DACH1: variants seen among roughly 807,000 people sequenced by gnomAD.
The protein encoded by DACH1 is dachshund homolog 1.
Under a neutral mutation model 54.2 loss-of-function variants are expected in DACH1, and 12 were observed. The observed-to-expected ratio is 0.22, with a 90% confidence interval of 0.14 to 0.36. The LOEUF (loss-of-function observed/expected upper bound fraction) is 0.36, where lower values mean the gene tolerates loss of function less well. DACH1 is among the 10% of genes least tolerant of loss of function. The pLI is 1.00. For synonymous variants in DACH1, 386 were observed against 366.2 expected (o/e 1.05, Z -0.62); for missense variants, 805 against 929.8 (o/e 0.87, Z 1.75).
At chr13:71,733,311 G>A (rs894995426) in intron 1 of DACH1, among the ~76,000 whole-genome samples, 18 of 151,916 alleles carry the variant, frequency 1.2e-4, no homozygotes, top group African/African-American at 3.9e-4. Flanking sequence ...ACAGGTGTGC[G>A]CCACTATGCC....
chr13:71,561,848 G>C (rs898390190), intron 4 of DACH1, among the ~76,000 whole-genome samples: 1 of 151,788 alleles, frequency 6.6e-6, no homozygotes, highest in African/African-American at 2.4e-5. Flanking sequence ...GATATGCTGA[G>C]ACTTCATTTT....
intron 6 of DACH1, among the ~76,000 whole-genome samples, chr13:71,514,060 T>G (rs1217745407): frequency 6.6e-6 from 1 of 152,082 alleles, no homozygotes; most frequent in African/African-American, 2.4e-5. Flanking sequence ...GTATGAGATA[T>G]GAGTTCTGTT....
At chr13:71,595,285 G>T (rs1874013513) in intron 3 of DACH1, among the ~76,000 whole-genome samples, 1 of 152,086 alleles carries the variant, frequency 6.6e-6, no homozygotes, top group Non-Finnish European at 1.5e-5. Flanking sequence ...GAATCCAGGA[G>T]CCCAATCGTG....
rs1183829408 is a variant in DACH1 at position 71,438,815 on chromosome 13, G to T, written c.*1840C>A. ...ATCCCTTGTGCTCAAACAACAAAAG[G>T]TGGTTATGGAAGAACTATGCTTAGA... On this transcript the variant is annotated 3_prime_UTR_variant, in exon 11 of 11. Coordinates refer to ENST00000613252, the MANE Select transcript of DACH1 (RefSeq NM_080759.6). The T allele has an allele frequency of 6.6e-6, 1 of 152,382 alleles. No homozygotes were observed. The highest frequency in any genetic ancestry group is 1.5e-5 in the Non-Finnish European group (1 of 67,884). The allele number at this position is 152,382 out of a possible 1,614,324, so 9.4% of individuals were successfully genotyped here.
chr13:71,683,666 CTTA>C (rs1881018529), intron 1 of DACH1, among the ~76,000 whole-genome samples: 1 of 152,092 alleles, frequency 6.6e-6, no homozygotes, highest in South Asian at 2.1e-4. Flanking sequence ...GCTACTTCCT[CTTA>C]TTATTACTTT....
At chr13:71,779,669 A>G (rs751180897) in intron 1 of DACH1, among the ~76,000 whole-genome samples, 21 of 152,122 alleles carry the variant, frequency 1.4e-4, no homozygotes, top group Non-Finnish European at 2.4e-4. Context: ...GTTCCATTTC[A>G]TGGAGTGATG....
At chr13:71,692,196 G>T (rs760562175) in intron 1 of DACH1, among the ~76,000 whole-genome samples, 3 of 152,050 alleles carry the variant, frequency 2.0e-5, no homozygotes, top group Non-Finnish European at 2.9e-5. Flanking sequence ...CATATTAACA[G>T]CAATGTTTGG....
At chr13:71,705,342 G>A (rs1371824965) in intron 1 of DACH1, among the ~76,000 whole-genome samples, 1 of 151,044 alleles carries the variant, frequency 6.6e-6, no homozygotes, top group Non-Finnish European at 1.5e-5. Context: ...ATGCTCTAAA[G>A]CGCTATTTAG....
chr13:71,693,264 G>A (rs967302918), intron 1 of DACH1, among the ~76,000 whole-genome samples: 4 of 145,464 alleles, frequency 2.7e-5, no homozygotes, highest in Non-Finnish European at 6.0e-5. Flanking sequence ...CAACAATCTG[G>A]TATGATAATA....
At chr13:71,547,291 T>G (rs568683985) in intron 6 of DACH1, among the ~76,000 whole-genome samples, 1 of 152,242 alleles carries the variant, frequency 6.6e-6, no homozygotes, top group African/African-American at 2.4e-5. Flanking sequence ...TGGTGCATGC[T>G]TTTGAGAGGC....
At chr13:71,787,860 G>T (rs1160192666) in intron 1 of DACH1, among the ~76,000 whole-genome samples, 1 of 152,082 alleles carries the variant, frequency 6.6e-6, no homozygotes, top group Non-Finnish European at 1.5e-5. Flanking sequence ...TACTACAGCT[G>T]AACAAAATGA....
intron 10 of DACH1, among the ~76,000 whole-genome samples, chr13:71,465,248 A>C (rs1428288221): frequency 6.6e-6 from 1 of 152,116 alleles, no homozygotes; most frequent in East Asian, 1.9e-4. Flanking sequence ...ATAACCATGC[A>C]TTTGTATACC....
chr13:71,468,548 A>G (rs1876795811), intron 10 of DACH1, among the ~76,000 whole-genome samples: 1 of 152,224 alleles, frequency 6.6e-6, no homozygotes, highest in Non-Finnish European at 1.5e-5. Context: ...AAACTTGAAC[A>G]ATACTTTCAT....
chr13:71,841,853 G>A (rs946576520), intron 1 of DACH1, among the ~76,000 whole-genome samples: 1 of 152,032 alleles, frequency 6.6e-6, no homozygotes, highest in Admixed American at 6.6e-5. Flanking sequence ...AATGACAAAA[G>A]GCATTTATTG....
intron 3 of DACH1, among the ~76,000 whole-genome samples, chr13:71,589,385 GATA>G (rs1873526553): frequency 6.6e-6 from 1 of 152,040 alleles, no homozygotes; most frequent in Admixed American, 6.5e-5. Context: ...GAAAAATAGT[GATA>G]ATTATTATTT....
intron 6 of DACH1, among the ~76,000 whole-genome samples, chr13:71,509,712 T>G (rs1042201461): frequency 6.6e-6 from 1 of 152,108 alleles, no homozygotes; most frequent in African/African-American, 2.4e-5. Flanking sequence ...AAATTTCTCC[T>G]GCAATTGTAC....
At chr13:71,642,609 T>C (rs1419590804) in intron 2 of DACH1, among the ~76,000 whole-genome samples, 5 of 152,220 alleles carry the variant, frequency 3.3e-5, no homozygotes, top group African/African-American at 4.8e-5. Flanking sequence ...CAATGAGTTA[T>C]GACAGTTCAA....
chr13:71,577,871 C>T (rs1471856374), intron 3 of DACH1, among the ~76,000 whole-genome samples: 1 of 152,044 alleles, frequency 6.6e-6, no homozygotes. Context: ...TGTGTGTACG[C>T]ACGGCACCAA....
intron 3 of DACH1, among the ~76,000 whole-genome samples, chr13:71,604,332 T>C (rs1275129850): frequency 6.6e-6 from 1 of 151,926 alleles, no homozygotes; most frequent in East Asian, 1.9e-4. Context: ...AAAAATGAAC[T>C]AAGTATCCTA....
Sources: allele counts gnomAD v4.1 joint callset (sites outside exome capture counted in the v4.1 genomes callset), GRCh38; gene constraint gnomAD v4.1.1; transcripts MANE v1.5; gene names NCBI Gene and HGNC (gene_info 2026-07-23, HGNC 2026-07-21).